Variants in RNF180 observed in about 807,000 individuals in gnomAD.
The protein encoded by RNF180 is ring finger protein 180.
RNF180 carries 38 observed loss-of-function variants against 59.2 expected under a neutral mutation model. The observed-to-expected ratio is 0.64, with a 90% CI of 0.50 to 0.84. RNF180 has a LOEUF of 0.84. Ranked by LOEUF, RNF180 falls within the 40% of genes least tolerant of loss-of-function variation. The pLI is 0.00. For synonymous variants in RNF180, 262 were observed against 240.3 expected, an observed-to-expected ratio of 1.09 and a Z score of -0.84; for missense variants, 705 against 700.9, an observed-to-expected ratio of 1.01 and a Z score of -0.07.
chr5:64,344,183 C>A (rs7720402), intron 7 of RNF180, among the ~76,000 whole-genome samples: 43,446 of 151,468 alleles, frequency 0.29, 6,448 homozygotes, highest in African/African-American at 0.35. Context: ...AAACAAGAAC[C>A]AATTATATGT....
chr5:64,234,575 GTTCTTTTTTTTTTTT>G lies in RNF180; in HGVS notation c.1227+17182_1227+17196del, dbSNP rs376999945. ...TGAGCTTTCCAAATGGCAGTTACCC[GTTCTTTTTTTTTTTT>G]TTTTTTTTTTTTTTTTTTTTTTTTT... On this transcript the variant is annotated intron_variant, in intron 5 of 7. Transcript: ENST00000389100. 7.7e-3 allele frequency among the ~76,000 whole-genome samples: 595 copies of G among 77,728 alleles called. 7 individuals carry two copies. Among genetic ancestry groups the G allele is most frequent in the African/African-American group, 0.022 (559 of 25,106 alleles). The allele number at this position is 77,728 out of a possible 152,430, so 51.0% of individuals were successfully genotyped here. A position where few individuals can be genotyped will look rare whatever the true frequency, so the allele number is the denominator to read the frequency against.
chr5:64,281,647 C>T (rs1400739005), intron 5 of RNF180, among the ~76,000 whole-genome samples: 10 of 152,082 alleles, frequency 6.6e-5, no homozygotes, highest in East Asian at 1.9e-4. Context: ...TACAGGTATG[C>T]GCCACCATGC....
At chr5:64,347,863 T>G (rs549768446) in intron 7 of RNF180, among the ~76,000 whole-genome samples, 18 of 152,288 alleles carry the variant, frequency 1.2e-4, no homozygotes, top group African/African-American at 3.4e-4. Context: ...ACTTCATAAC[T>G]ATGCTGGCAA....
intron 5 of RNF180, among the ~76,000 whole-genome samples, chr5:64,253,526 C>T (rs953600229): frequency 6.6e-6 from 1 of 152,036 alleles, no homozygotes; most frequent in African/African-American, 2.4e-5. Context: ...TATTTTGCTA[C>T]CAAAATATCA....
At chr5:64,350,444 T>A (rs1460060976) in intron 7 of RNF180, among the ~76,000 whole-genome samples, 1 of 152,194 alleles carries the variant, frequency 6.6e-6, no homozygotes, top group African/African-American at 2.4e-5. Context: ...TCGCTTTTGT[T>A]GCCATTGCTT....
intron 2 of RNF180, 98 bp downstream of exon 2, chr5:64,201,040 A>G (rs533886903): frequency 1.7e-5 from 15 of 900,006 alleles, no homozygotes; most frequent in Admixed American, 5.0e-5. Flanking sequence ...CTTATTAAGA[A>G]TATTTATAGT....
At chr5:64,254,926 G>A (rs777186250) in intron 5 of RNF180, among the ~76,000 whole-genome samples, 1 of 152,024 alleles carries the variant, frequency 6.6e-6, no homozygotes, top group Admixed American at 6.6e-5. Context: ...TTTCTCTTTG[G>A]GGGAGGAGAG....
At chr5:64,262,367 G>A (rs1744396020) in intron 5 of RNF180, among the ~76,000 whole-genome samples, 1 of 151,978 alleles carries the variant, frequency 6.6e-6, no homozygotes, top group South Asian at 2.1e-4. Context: ...CTATGCACTG[G>A]GCACTGTGCT....
chr5:64,175,185 T>G lies in RNF180; in HGVS notation c.-1+9232T>G, dbSNP rs565415398. On this transcript the variant is annotated intron_variant, in intron 1 of 7. Transcript: ENST00000389100. ...TTTCTCCATGTTGGTCAGGCTGGTCTTGAACTCCCAACTTCGGGTGATATG... is the reference window on the plus strand; with the variant it reads ...TTTCTCCATGTTGGTCAGGCTGGTCGTGAACTCCCAACTTCGGGTGATATG... Among the ~76,000 whole-genome samples, 127 of 152,266 alleles carry G rather than the reference T, an allele frequency of 8.3e-4. 2 individuals are homozygous for G. The South Asian group carries it at 0.02, about 24-fold the overall frequency.
rs1746586652 is a variant in RNF180 at position 64,369,606 on chromosome 5, A to C, written c.1580-9A>C. The C allele has an allele frequency of 1.3e-6, 2 of 1,491,858 alleles. No individual in the cohort carries two copies. Among genetic ancestry groups the C allele is most frequent in the Non-Finnish European group, 1.8e-6 (2 of 1,122,896 alleles). The allele number at this position is 1,491,858 out of a possible 1,614,324, so 92.4% of individuals were successfully genotyped here. On this transcript the variant is annotated splice_polypyrimidine_tract_variant and intron_variant, in intron 7 of 7. Transcript: ENST00000389100. ...TTAATGGGCTTTAATATGTTCATAC[A>C]TCTTCTAGGTTTCCGCAGACATGCA...
chr5:64,212,483 A>G (rs1300693291), intron 3 of RNF180, among the ~76,000 whole-genome samples: 1 of 152,094 alleles, frequency 6.6e-6, no homozygotes, highest in Non-Finnish European at 1.5e-5. Context: ...TAACTTGTTA[A>G]TTGCCTAGCT....
chr5:64,334,719 C>A (rs1745049821), intron 7 of RNF180, among the ~76,000 whole-genome samples: 1 of 152,052 alleles, frequency 6.6e-6, no homozygotes, highest in South Asian at 2.1e-4. Flanking sequence ...TTCTCAAATC[C>A]ATTTCAGTAA....
intron 7 of RNF180, among the ~76,000 whole-genome samples, chr5:64,357,967 G>C (rs1746097130): frequency 6.6e-6 from 1 of 151,764 alleles, no homozygotes; most frequent in Non-Finnish European, 1.5e-5. Context: ...GGTCCTTCTT[G>C]CTCTTTGATT....
At chr5:64,203,924 T>C (rs909661546) in intron 2 of RNF180, among the ~76,000 whole-genome samples, 4 of 152,146 alleles carry the variant, frequency 2.6e-5, no homozygotes, top group South Asian at 2.1e-4. Context: ...TAAAGGAAAC[T>C]GCAAAAGAAA....
At chr5:64,326,410 G>T (rs191354270) in intron 6 of RNF180, among the ~76,000 whole-genome samples, 29 of 152,156 alleles carry the variant, frequency 1.9e-4, no homozygotes, top group Non-Finnish European at 3.5e-4. Context: ...TTACTATAGT[G>T]ACTCACATAT....
At chr5:64,294,877 C>G (rs1048955223) in intron 5 of RNF180, among the ~76,000 whole-genome samples, 3 of 152,104 alleles carry the variant, frequency 2.0e-5, no homozygotes, top group African/African-American at 7.2e-5. Context: ...TAACCCAATC[C>G]TCACCAAGAC....
chr5:64,174,586 T>C (rs1386807748), intron 1 of RNF180, among the ~76,000 whole-genome samples: 1 of 152,194 alleles, frequency 6.6e-6, no homozygotes, highest in Non-Finnish European at 1.5e-5. Context: ...CATTTTATCA[T>C]ATACCCGTTG....
chr5:64,334,563 CCT>C (rs1286282871), intron 7 of RNF180, among the ~76,000 whole-genome samples: 3 of 151,990 alleles, frequency 2.0e-5, no homozygotes, highest in Non-Finnish European at 4.4e-5. Flanking sequence ...CTTTGTTTAC[CCT>C]GATTCCCCTG....
intron 5 of RNF180, among the ~76,000 whole-genome samples, chr5:64,221,255 T>C (rs1329316170): frequency 1.3e-5 from 2 of 152,064 alleles, no homozygotes; most frequent in Non-Finnish European, 2.9e-5. Context: ...TTAATGGTTA[T>C]TGAAATGAAA....
Sources: allele counts gnomAD v4.1 joint callset (sites outside exome capture counted in the v4.1 genomes callset), GRCh38; gene constraint gnomAD v4.1.1; transcripts MANE v1.5; gene names NCBI Gene and HGNC (gene_info 2026-07-23, HGNC 2026-07-21).